FAM210B: variants seen among roughly 807,000 people sequenced by gnomAD.
The protein encoded by FAM210B is family with sequence similarity 210 member B.
In FAM210B, 11 loss-of-function variants were observed where a neutral mutation model predicts 14.9. That is an observed-to-expected ratio of 0.74 (90% CI 0.46 to 1.22). The LOEUF (loss-of-function observed/expected upper bound fraction) is 1.22. FAM210B is among the 50% of genes most tolerant of loss of function. The probability of loss-of-function intolerance (pLI) is 0.00; values close to 1 mark genes in which losing one functional copy is unlikely to be tolerated. For missense variants in FAM210B, 229 were observed against 250.1 expected (o/e 0.92, Z 0.57); for synonymous variants, 113 against 110.2 (o/e 1.03, Z -0.16).
rs746282432 is a variant in FAM210B at position 56,363,539 on chromosome 20, C to T, written c.187-1548C>T. On this transcript the variant is annotated intron_variant, in intron 1 of 2. Coordinates refer to ENST00000371384, the MANE Select transcript of FAM210B (RefSeq NM_080821.3). This position sits in a 1 kb window ranked among gnomAD's most constrained non-coding sequence, Gnocchi z 4.1. ...ACAAGAGCTGACCTCCAGCCAGGTGCGCATCACCTGCCGGGACAAGCCCCA... is the reference window on the plus strand; with the variant it reads ...ACAAGAGCTGACCTCCAGCCAGGTGTGCATCACCTGCCGGGACAAGCCCCA... Among the ~76,000 whole-genome samples, 1 of 152,214 alleles carries T rather than the reference C, an allele frequency of 6.6e-6. No homozygotes were observed. Among genetic ancestry groups the T allele is most frequent in the African/African-American group, 2.4e-5 (1 of 41,452 alleles).
Position 56,359,211 on chromosome 20 carries a change from C to T in FAM210B, c.186+20C>T, listed in dbSNP as rs1569020482. 2.4e-6 allele frequency: 3 copies of T among 1,225,790 alleles called. No individual in the cohort carries two copies. Among genetic ancestry groups the T allele is most frequent in the Non-Finnish European group, 3.0e-6 (3 of 985,118 alleles). The allele number at this position is 1,225,790 out of a possible 1,614,324, so 75.9% of individuals were successfully genotyped here. ...CACCAGGTAAGCACCCCACCCCGAC[C>T]CTGATCCCGGGCGGTGTCCAGGTCC... On this transcript the variant is annotated intron_variant, in intron 1 of 2. Coordinates refer to ENST00000371384, the MANE Select transcript of FAM210B (RefSeq NM_080821.3). This position sits in a 1 kb window ranked among gnomAD's most constrained non-coding sequence, Gnocchi z 4.3.
intron 1 of FAM210B, 110 bp from the exon 2 acceptor site, chr20:56,364,977 T>G (rs1431279045): frequency 1.2e-5 from 13 of 1,062,408 alleles, no homozygotes; most frequent in Non-Finnish European, 1.7e-5. Context: ...AAGGGGTAAC[T>G]GATCTCTCAT....
In FAM210B at chr20:56,359,046, T is replaced by C. The variant is rs1983477899; in HGVS notation, c.41T>C (p.Val14Ala). ...GCGTTGCTGGGTCCGGCAGGCAGGG[T>C]GGGCGCCCGGGTCCGGCCTCGCGCC... ...LLALLGPAGR[V>A]GARVRPRATW... The change falls in exon 1 of 3, where the codon GTG becomes GCG. Residue 14 changes from valine to alanine, a missense_variant. Val to Ala is a moderately conservative substitution (Grantham distance 64). This residue lies in a region of FAM210B where 144 missense variants were observed against 132.5 expected (regional missense o/e 1.09). Transcript: ENST00000371384. This position sits in a 1 kb window ranked among gnomAD's most constrained non-coding sequence, Gnocchi z 4.3. 1.5e-6 allele frequency: 2 copies of C among 1,351,180 alleles called. No homozygotes were observed. Among genetic ancestry groups the C allele is most frequent in the Non-Finnish European group, 1.9e-6 (2 of 1,045,950 alleles). 83.7% of individuals were successfully genotyped at this position (1,351,180 alleles called of 1,614,324 possible). A position where few individuals can be genotyped will look rare whatever the true frequency, so the allele number is the denominator to read the frequency against.
Position 56,366,276 on chromosome 20 carries a change from G to A in FAM210B, c.568G>A (p.Ala190Thr), listed in dbSNP as rs748956314. The A allele has an allele frequency of 1.2e-6, 2 of 1,613,980 alleles. No individual in the cohort carries two copies. The highest frequency in any genetic ancestry group is 2.2e-5 in the South Asian group (2 of 91,076). ...AGTGGGATTTTTTAAACCTCCAGCTGCAAAACCTTAATGAACTCTTCAGTC... is the reference window on the plus strand; with the variant it reads ...AGTGGGATTTTTTAAACCTCCAGCTACAAAACCTTAATGAACTCTTCAGTC... ...RKVGFFKPPA[A>T]KP The change falls in exon 3 of 3, where the codon GCA (alanine) becomes ACA (threonine). Residue 190 changes from alanine to threonine, a missense_variant. Ala to Thr is a moderately conservative substitution (Grantham distance 58, BLOSUM62 0). This residue lies in a region of FAM210B where 53 missense variants were observed against 55.4 expected (regional missense o/e 0.96). Coordinates refer to ENST00000371384, the MANE Select transcript of FAM210B (RefSeq NM_080821.3).
chr20:56,359,052 C>T lies in FAM210B; in HGVS notation c.47C>T (p.Ala16Val). The T allele has an allele frequency of 1.5e-6, 2 of 1,353,646 alleles. No homozygotes were observed. Among genetic ancestry groups the T allele is most frequent in the Non-Finnish European group, 1.9e-6 (2 of 1,047,310 alleles). 83.9% of individuals were successfully genotyped at this position (1,353,646 alleles called of 1,614,324 possible). The change falls in exon 1 of 3, where the codon GCC (alanine) becomes GTC (valine). Residue 16 changes from alanine (A) to valine (V), a missense_variant. Ala to Val is a moderately conservative substitution (Grantham distance 64). Coordinates refer to ENST00000371384, the MANE Select transcript of FAM210B (RefSeq NM_080821.3). This position sits in a 1 kb window ranked among gnomAD's most constrained non-coding sequence, Gnocchi z 4.3. ...CTGGGTCCGGCAGGCAGGGTGGGCG[C>T]CCGGGTCCGGCCTCGCGCCACCTGG... is the stretch of plus-strand genomic sequence containing the variant. ...ALLGPAGRVG[A>V]RVRPRATWLL... is the part of the protein sequence containing the mutation.
chr20:56,359,100 G>T lies in FAM210B; in HGVS notation c.95G>T (p.Cys32Phe). The T allele has an allele frequency of 7.5e-7, 1 of 1,338,352 alleles. No individual in the cohort carries two copies. The highest frequency in any genetic ancestry group is 9.6e-7 in the Non-Finnish European group (1 of 1,043,592). 82.9% of individuals were successfully genotyped at this position (1,338,352 alleles called of 1,614,324 possible). The change falls in exon 1 of 3, where the codon TGC becomes TTC. Residue 32 changes from cysteine to phenylalanine, a missense_variant. Cys to Phe is a radical substitution (Grantham distance 205, BLOSUM62 -2). This residue lies in a region of FAM210B where 144 missense variants were observed against 132.5 expected (regional missense o/e 1.09). Coordinates refer to ENST00000371384, the MANE Select transcript of FAM210B (RefSeq NM_080821.3). The surrounding 1 kb of genome is among the most constrained non-coding windows in gnomAD (Gnocchi z 4.3). ...ATWLLGATAP[C>F]APPPLALALL... ...TGGCTCCTGGGCGCCACCGCCCCCT[G>T]CGCCCCGCCGCCCCTGGCCCTGGCC...
At chr20:56,360,159 A>C (rs1034719249) in intron 1 of FAM210B, 8 of 469,506 alleles carry the variant, frequency 1.7e-5, no homozygotes, top group African/African-American at 1.6e-4. Flanking sequence ...GCCCAGATCA[A>C]CTTCCTTCCT....
chr20:56,361,476 G>A (rs1361549807), intron 1 of FAM210B, among the ~76,000 whole-genome samples: 1 of 152,068 alleles, frequency 6.6e-6, no homozygotes, highest in South Asian at 2.1e-4. Flanking sequence ...ATGAATACAC[G>A]AGGAGTAACA....
At chr20:56,364,904 C>G (rs954663651) in intron 1 of FAM210B, among the ~76,000 whole-genome samples, 183 bp from the exon 2 acceptor site, 3 of 152,084 alleles carry the variant, frequency 2.0e-5, no homozygotes, top group Non-Finnish European at 2.9e-5. Context: ...CAATGAGCCA[C>G]AATCATGCCA....
chr20:56,359,983 G>C lies in FAM210B; in HGVS notation c.186+792G>C, dbSNP rs1983499121. ...TTTTGAGCTTGTTTTCTGACCTTTA[G>C]AGGGCCAAAAATAGCACCTTCCCAG... On this transcript the variant is annotated intron_variant, in intron 1 of 2. Coordinates refer to ENST00000371384, the MANE Select transcript of FAM210B (RefSeq NM_080821.3). This position sits in a 1 kb window ranked among gnomAD's most constrained non-coding sequence, Gnocchi z 4.3. Among the ~76,000 whole-genome samples the C allele has an allele frequency of 2.0e-5, 3 of 152,192 alleles. No homozygotes were observed. The highest frequency in any genetic ancestry group is 1.3e-4 in the Admixed American group (2 of 15,280).
rs777526085 is a variant in FAM210B at position 56,366,444 on chromosome 20, T to C, written c.*157T>C. ...AACTTTGCCAGCAAAAATCAGGCTT[T>C]TGAACAATTTTAATTTTTTGCCTCA... is the stretch of plus-strand genomic sequence containing the variant. On this transcript the variant is annotated 3_prime_UTR_variant, in exon 3 of 3. Transcript: ENST00000371384. 1 of 678,914 alleles carries C rather than the reference T, an allele frequency of 1.5e-6. No individual in the cohort carries two copies. Among genetic ancestry groups the C allele is most frequent in the Non-Finnish European group, 2.4e-6 (1 of 408,392 alleles). 42.1% of individuals were successfully genotyped at this position (678,914 alleles called of 1,614,324 possible). A position where few individuals can be genotyped will look rare whatever the true frequency, so the allele number is the denominator to read the frequency against.
At position 56,359,553 on chromosome 20, in the gene FAM210B, C is replaced by T. The variant is rs1185533219; in HGVS notation, c.186+362C>T. 9.2e-5 allele frequency among the ~76,000 whole-genome samples: 14 copies of T among 152,180 alleles called. No individual in the cohort carries two copies. The highest frequency in any genetic ancestry group is 2.7e-4 in the African/African-American group (11 of 41,446). ...TTGTCCAGGCCTTCTGGCTGGGTCT[C>T]GCTGTGTTTTGAACACCTCCCGACG... is the stretch of plus-strand genomic sequence containing the variant. On this transcript the variant is annotated intron_variant, in intron 1 of 2. Coordinates refer to ENST00000371384, the MANE Select transcript of FAM210B (RefSeq NM_080821.3). The surrounding 1 kb of genome is among the most constrained non-coding windows in gnomAD (Gnocchi z 4.3).
chr20:56,365,787 G>GC (rs978399252), intron 2 of FAM210B, among the ~76,000 whole-genome samples: 15 of 151,998 alleles, frequency 9.9e-5, no homozygotes, highest in African/African-American at 3.6e-4. Context: ...ACAGGTGTGA[G>GC]CCCCCGCGTC....
intron 1 of FAM210B, chr20:56,360,570 G>T: frequency 5.0e-6 from 1 of 201,926 alleles, no homozygotes; most frequent in Non-Finnish European, 1.0e-5. Context: ...CCCCTCATCT[G>T]TAAAATGGGA....
At position 56,367,829 on chromosome 20, in the gene FAM210B, C is replaced by T. The variant is rs781275308; in HGVS notation, c.*1542C>T. 1 of 152,246 alleles carries T rather than the reference C, an allele frequency of 6.6e-6. No homozygotes were observed. The highest frequency in any genetic ancestry group is 6.5e-5 in the Admixed American group (1 of 15,286). 9.4% of individuals were successfully genotyped at this position (152,246 alleles called of 1,614,324 possible). A position where few individuals can be genotyped will look rare whatever the true frequency, so the allele number is the denominator to read the frequency against. On this transcript the variant is annotated 3_prime_UTR_variant, in exon 3 of 3. Coordinates refer to ENST00000371384, the MANE Select transcript of FAM210B (RefSeq NM_080821.3). ...CCAGATTCACCAGTCTGCCCTGTCA[C>T]GTAGTTGAAGGAGTTGCATTTATCT... is the stretch of plus-strand genomic sequence containing the variant.
intron 2 of FAM210B, 144 bp from the exon 3 acceptor site, chr20:56,365,927 A>ATTACAG: frequency 3.6e-6 from 2 of 560,682 alleles, no homozygotes; most frequent in Non-Finnish European, 5.8e-6. Flanking sequence ...TACAGGCGTG[A>ATTACAG]GCCACTGCAC....
At chr20:56,364,196 C>T (rs565561239) in intron 1 of FAM210B, among the ~76,000 whole-genome samples, 1 of 152,326 alleles carries the variant, frequency 6.6e-6, no homozygotes, top group Non-Finnish European at 1.5e-5. Context: ...TTATCTTACA[C>T]TTCTAGAGGT....
rs4811692 is a variant in FAM210B at position 56,362,223 on chromosome 20, G to C, written c.187-2864G>C. On this transcript the variant is annotated intron_variant, in intron 1 of 2. Coordinates refer to ENST00000371384, the MANE Select transcript of FAM210B (RefSeq NM_080821.3). The surrounding 1 kb of genome is among the most constrained non-coding windows in gnomAD (Gnocchi z 4.8). ...AGGTGTCACTCCAAACACTGCGATC[G>C]GCTTGGCAAGGTCCTTGGCTCATTC... 6.6e-6 allele frequency among the ~76,000 whole-genome samples: 1 copy of C among 151,932 alleles called. No homozygotes were observed. Among genetic ancestry groups the C allele is most frequent in the Admixed American group, 6.6e-5 (1 of 15,252 alleles).
chr20:56,367,462 A>C lies in FAM210B; in HGVS notation c.*1175A>C, dbSNP rs1211308306. On this transcript the variant is annotated 3_prime_UTR_variant, in exon 3 of 3. Coordinates refer to ENST00000371384, the MANE Select transcript of FAM210B (RefSeq NM_080821.3). ...GAGACCAGCCTGGCCAACATGATGAAACCCCGTCTCTACTACAAATACAAA... is the reference window on the plus strand; with the variant it reads ...GAGACCAGCCTGGCCAACATGATGACACCCCGTCTCTACTACAAATACAAA... 6.6e-6 allele frequency: 1 copy of C among 152,306 alleles called. No individual in the cohort carries two copies. The highest frequency in any genetic ancestry group is 2.4e-5 in the African/African-American group (1 of 41,458). 9.4% of individuals were successfully genotyped at this position (152,306 alleles called of 1,614,324 possible). A position where few individuals can be genotyped will look rare whatever the true frequency, so the allele number is the denominator to read the frequency against.
Sources: allele counts gnomAD v4.1 joint callset (sites outside exome capture counted in the v4.1 genomes callset), GRCh38; gene constraint gnomAD v4.1.1; regional missense constraint gnomAD v4.1.1; non-coding constraint Gnocchi (gnomAD v3.1); transcripts MANE v1.5; gene names NCBI Gene and HGNC (gene_info 2026-07-23, HGNC 2026-07-21).